Variants in PRDM15 observed in about 807,000 individuals in gnomAD.
The protein encoded by PRDM15 is PR domain zinc finger protein 15.
A neutral mutation model predicts 128.6 loss-of-function variants in PRDM15; 64 were observed. The ratio of observed to expected loss-of-function variants is 0.50; its 90% CI spans 0.41 to 0.61. The LOEUF (loss-of-function observed/expected upper bound fraction) is 0.61. Among genes scored for constraint, PRDM15 ranks in the 20% least tolerant of loss-of-function variants. PRDM15 has a pLI of 0.00. For synonymous variants in PRDM15, 615 were observed against 621.8 expected (o/e 0.99, Z 0.16); for missense variants, 1,242 against 1,569.1 (o/e 0.79, Z 3.52).
At chr21:41,805,746 A>T in intron 21 of PRDM15, among the ~76,000 whole-genome samples, 1 of 151,218 alleles carries the variant, frequency 6.6e-6, no homozygotes, top group Non-Finnish European at 1.5e-5. Context: ...CATCATCATT[A>T]CCACCTCTAT....
At position 41,862,124 on chromosome 21, in the gene PRDM15, G is replaced by A. The variant is rs1601444901; in HGVS notation, c.-9-1752C>T. 16 of 740,478 alleles carry A rather than the reference G, an allele frequency of 2.2e-5. No homozygotes were observed. The highest frequency in any genetic ancestry group is 1.9e-4 in the East Asian group (7 of 37,014). The allele number at this position is 740,478 out of a possible 1,614,324, so 45.9% of individuals were successfully genotyped here. On this transcript the variant is annotated intron_variant, in intron 1 of 23. Transcript: ENST00000398548. This position sits in a 1 kb window ranked among gnomAD's most constrained non-coding sequence, Gnocchi z 4.1. ...AAGAAACCCAGAGTGGGGTGGGGAG[G>A]GCGCACGCTTTCATGAGTTGCTGCT...
At chr21:41,809,318 C>T (rs370302281) in intron 21 of PRDM15, among the ~76,000 whole-genome samples, 4 of 151,772 alleles carry the variant, frequency 2.6e-5, no homozygotes, top group South Asian at 4.2e-4. Context: ...CTGCAACCTC[C>T]GCCGCCTGGG....
In PRDM15 at chr21:41,879,084, G is replaced by A; in HGVS notation, c.-10+186C>T. ...ACTCCGATCGCCAACGGTGCCCGCA[G>A]CCGGCGAATGTAACAAAGAACAGTC... On this transcript the variant is annotated intron_variant, in intron 1 of 23. Transcript: ENST00000398548. The surrounding 1 kb of genome is among the most constrained non-coding windows in gnomAD (Gnocchi z 5.1). The A allele has an allele frequency of 8.8e-7, 1 of 1,130,124 alleles. No homozygotes were observed. The highest frequency in any genetic ancestry group is 1.1e-6 in the Non-Finnish European group (1 of 897,212). The allele number at this position is 1,130,124 out of a possible 1,614,324, so 70.0% of individuals were successfully genotyped here.
chr21:41,852,389 A>G lies in PRDM15; in HGVS notation c.538+2177T>C, dbSNP rs555015389. On this transcript the variant is annotated intron_variant, in intron 5 of 23. Transcript: ENST00000398548. ...AAGGAGCCCAGGTCCCGAAGATCACAGTTACTTGGGCTCTGCTCAGAGAGC... is the reference window on the plus strand; with the variant it reads ...AAGGAGCCCAGGTCCCGAAGATCACGGTTACTTGGGCTCTGCTCAGAGAGC... Among the ~76,000 whole-genome samples the G allele has an allele frequency of 4.6e-5, 7 of 152,314 alleles. No individual in the cohort carries two copies. The East Asian group carries it at 1.4e-3, about 29-fold the overall frequency.
intron 6 of PRDM15, among the ~76,000 whole-genome samples, chr21:41,844,922 C>G (rs1435622187): frequency 1.6e-5 from 1 of 63,044 alleles, no homozygotes; most frequent in Non-Finnish European, 3.5e-5. Flanking sequence ...ACAGCCTCTC[C>G]CCCCACACAG....
At chr21:41,836,286 C>T in intron 9 of PRDM15, 79 bp from the exon 10 acceptor site, 1 of 1,391,032 alleles carries the variant, frequency 7.2e-7, no homozygotes, top group Non-Finnish European at 1.0e-6. Flanking sequence ...GGGAAATGCC[C>T]CACAAGCCGC....
intron 13 of PRDM15, among the ~76,000 whole-genome samples, chr21:41,823,974 TG>T (rs2062377841): frequency 6.6e-6 from 1 of 152,180 alleles, no homozygotes; most frequent in Non-Finnish European, 1.5e-5. Context: ...TGACCAGGGC[TG>T]GGGTTGGCGC....
At position 41,835,027 on chromosome 21, in the gene PRDM15, C is replaced by T. The variant is rs1373236139; in HGVS notation, c.1366+410G>A. Among the ~76,000 whole-genome samples, 8 of 152,316 alleles carry T rather than the reference C, an allele frequency of 5.3e-5. No homozygotes were observed. The East Asian group carries it at 9.6e-4, about 18-fold the overall frequency. On this transcript the variant is annotated intron_variant, in intron 11 of 23. Transcript: ENST00000398548. ...GGAGATGTGGATGGAGGAGGGCTCG[C>T]GGTTAGGAACAACCTTTGCAAGCAA...
At chr21:41,806,072 CCACCAT>C (rs2061577023) in intron 21 of PRDM15, among the ~76,000 whole-genome samples, 9 of 90,434 alleles carry the variant, frequency 1.0e-4, no homozygotes, top group East Asian at 6.6e-4. Flanking sequence ...ACCATCACCA[CCACCAT>C]CACCACCACC....
chr21:41,851,730 G>T (rs1471239660), intron 5 of PRDM15, among the ~76,000 whole-genome samples: 1 of 152,158 alleles, frequency 6.6e-6, no homozygotes, highest in Non-Finnish European at 1.5e-5. Flanking sequence ...CTCAACAGGG[G>T]GCTCTCTCGG....
chr21:41,853,727 G>A (rs1056439020), intron 5 of PRDM15, among the ~76,000 whole-genome samples: 1 of 152,190 alleles, frequency 6.6e-6, no homozygotes, highest in Admixed American at 6.5e-5. Context: ...GGCAGATCAC[G>A]CACATAACCT....
chr21:41,836,766 G>T, intron 8 of PRDM15, 117 bp from the exon 9 acceptor site: 1 of 815,306 alleles, frequency 1.2e-6, no homozygotes. Context: ...GCCTGTATGC[G>T]AGAAAGGAGG....
chr21:41,834,783 T>C (rs575462461), intron 11 of PRDM15, among the ~76,000 whole-genome samples: 2 of 152,360 alleles, frequency 1.3e-5, no homozygotes, highest in South Asian at 4.1e-4. Flanking sequence ...TCCTTTGGTC[T>C]GTTTACTTGC....
intron 6 of PRDM15, among the ~76,000 whole-genome samples, chr21:41,843,163 G>A (rs1241095959): frequency 1.3e-5 from 2 of 152,044 alleles, no homozygotes; most frequent in South Asian, 2.1e-4. Context: ...TTTCTCTGGA[G>A]TTAATTAATG....
At chr21:41,824,214 A>C (rs2062386872) in intron 13 of PRDM15, among the ~76,000 whole-genome samples, 1 of 152,224 alleles carries the variant, frequency 6.6e-6, no homozygotes, top group South Asian at 2.1e-4. Context: ...GAAATGAGTG[A>C]TTCGCTAGGG....
chr21:41,822,859 A>G (rs2062328262), intron 14 of PRDM15, among the ~76,000 whole-genome samples: 1 of 152,176 alleles, frequency 6.6e-6, no homozygotes, highest in East Asian at 1.9e-4. Context: ...ACAAGGTGAA[A>G]CCCTGTCTCT....
In PRDM15 at chr21:41,810,404, T is replaced by C. The variant is rs1481979781; in HGVS notation, c.2477-75A>G. On this transcript the variant is annotated intron_variant, in intron 20 of 23. Coordinates refer to ENST00000398548, the MANE Select transcript of PRDM15 (RefSeq NM_001040424.3). The surrounding 1 kb of genome is among the most constrained non-coding windows in gnomAD (Gnocchi z 6.4). ...CAGGTCACTAGTGCAGCCATCCCAA[T>C]GACCCTGGCCTGCTGGACGAGGCAA... 2.7e-6 allele frequency: 4 copies of C among 1,506,170 alleles called. No individual in the cohort carries two copies. The highest frequency in any genetic ancestry group is 1.7e-4 in the Middle Eastern group (1 of 5,814). The allele number at this position is 1,506,170 out of a possible 1,614,324, so 93.3% of individuals were successfully genotyped here.
chr21:41,853,688 C>A (rs2063495557), intron 5 of PRDM15, among the ~76,000 whole-genome samples: 1 of 152,156 alleles, frequency 6.6e-6, no homozygotes. Flanking sequence ...GCACTGTGAC[C>A]CGCTTTTTCA....
chr21:41,823,954 G>T (rs370638455), intron 13 of PRDM15, among the ~76,000 whole-genome samples: 47 of 152,344 alleles, frequency 3.1e-4, no homozygotes, highest in African/African-American at 5.1e-4. Context: ...ATCCAAGGGG[G>T]TCACCTCTGT....
Sources: gnomAD v4.1 joint callset for allele counts (sites outside exome capture counted in the v4.1 genomes callset) on GRCh38, gnomAD v4.1.1 for gene constraint, Gnocchi (gnomAD v3.1) non-coding constraint, MANE v1.5 for transcripts, NCBI Gene and HGNC (gene_info 2026-07-23, HGNC 2026-07-21) for gene names.